The following SLC35D4 variants were observed in gnomAD, a reference collection of about 807,000 sequenced individuals.
SLC35D4 encodes the protein UDP-N-acetylglucosamine transporter SLC35D4.
At chr18:23,277,776 C>T in the SLC35D4 span, among the ~76,000 whole-genome samples, 720 of 151,824 alleles carry the variant, frequency 4.7e-3, 6 homozygotes, top group Non-Finnish European at 5.5e-3. Context: ...GGCATCAAGA[C>T]TGGGGGTGAT....
At chr18:23,373,807 T>G in the SLC35D4 span, 1 of 1,603,508 alleles carries the variant, frequency 6.2e-7, no homozygotes, top group Non-Finnish European at 8.5e-7. Context: ...CCTTTCAACA[T>G]CAAAGGTTTC....
the SLC35D4 span, among the ~76,000 whole-genome samples, chr18:23,422,937 T>C: frequency 2.3e-3 from 348 of 152,338 alleles, 4 homozygotes; most frequent in African/African-American, 8.2e-3. Flanking sequence ...TTTTTCATGA[T>C]AAATGACTTG....
At chr18:23,418,385 T>TA in the SLC35D4 span, among the ~76,000 whole-genome samples, 263 of 146,732 alleles carry the variant, frequency 1.8e-3, 1 homozygote, top group African/African-American at 6.1e-3. Flanking sequence ...TTATTATTAT[T>TA]TTTTGAGACA....
chr18:23,411,976 T>C, the SLC35D4 span, among the ~76,000 whole-genome samples: 1 of 152,250 alleles, frequency 6.6e-6, no homozygotes, highest in Non-Finnish European at 1.5e-5. Flanking sequence ...GAAAATTCTA[T>C]GTTACACTGA....
At chr18:23,352,578 A>G in the SLC35D4 span, among the ~76,000 whole-genome samples, 1 of 152,182 alleles carries the variant, frequency 6.6e-6, no homozygotes, top group African/African-American at 2.4e-5. Flanking sequence ...GGAGGACAAC[A>G]CCTCTTGTTC....
the SLC35D4 span, among the ~76,000 whole-genome samples, chr18:23,346,898 TTA>T: frequency 6.6e-6 from 1 of 152,228 alleles, no homozygotes; most frequent in African/African-American, 2.4e-5. Flanking sequence ...ATAATTCTTT[TTA>T]TATGTTGCCA....
chr18:23,353,334 G>C, the SLC35D4 span, among the ~76,000 whole-genome samples: 1 of 152,104 alleles, frequency 6.6e-6, no homozygotes, highest in East Asian at 1.9e-4. Flanking sequence ...ACAGGCACTG[G>C]TGCGCAGCTC....
At chr18:23,249,168 T>G in the SLC35D4 span, among the ~76,000 whole-genome samples, 1 of 152,250 alleles carries the variant, frequency 6.6e-6, no homozygotes, top group African/African-American at 2.4e-5. Context: ...CAGCCCTGCC[T>G]TCACATATCA....
the SLC35D4 span, chr18:23,376,891 C>A: frequency 2.2e-6 from 1 of 456,580 alleles, no homozygotes; most frequent in African/African-American, 2.0e-5. Context: ...TCCTTTTAAA[C>A]AGGAGGATAG....
chr18:23,332,304 C>T, the SLC35D4 span, among the ~76,000 whole-genome samples: 1 of 152,206 alleles, frequency 6.6e-6, no homozygotes, highest in Non-Finnish European at 1.5e-5. Context: ...AGTATACTCA[C>T]AGTTATGCAG....
the SLC35D4 span, among the ~76,000 whole-genome samples, chr18:23,371,945 T>TTTTTTTTTTTTG: frequency 6.0e-4 from 44 of 73,278 alleles, no homozygotes; most frequent in African/African-American, 1.1e-3. Context: ...GTTTTTTTTT[T>TTTTTTTTTTTTG]TTTTTTTTGA....
chr18:23,359,329 A>T, the SLC35D4 span, among the ~76,000 whole-genome samples: 1 of 150,606 alleles, frequency 6.6e-6, no homozygotes, highest in African/African-American at 2.5e-5. Context: ...GGTTGCAGTA[A>T]GCCGAGATTG....
the SLC35D4 span, among the ~76,000 whole-genome samples, chr18:23,424,361 C>T: frequency 6.6e-6 from 1 of 152,280 alleles, no homozygotes; most frequent in Non-Finnish European, 1.5e-5. Context: ...CACTGATGTA[C>T]CCCAGGCATC....
At chr18:23,371,250 A>G in the SLC35D4 span, among the ~76,000 whole-genome samples, 2 of 151,902 alleles carry the variant, frequency 1.3e-5, no homozygotes, top group Non-Finnish European at 2.9e-5. Context: ...ATGTGCCACC[A>G]TGCCTGGCTA....
At chr18:23,370,104 G>A in the SLC35D4 span, 49 of 821,272 alleles carry the variant, frequency 6.0e-5, no homozygotes, top group East Asian at 2.4e-4. Context: ...GCTTGAACCC[G>A]GGGGGTGGAG....
chr18:23,411,502 A>AAAGG, the SLC35D4 span, among the ~76,000 whole-genome samples: 1 of 146,110 alleles, frequency 6.8e-6, no homozygotes, highest in Non-Finnish European at 1.5e-5. Flanking sequence ...AGAAAGAAAG[A>AAAGG]AAGAAAGAAA....
At chr18:23,371,517 C>A in the SLC35D4 span, 1 of 1,480,446 alleles carries the variant, frequency 6.8e-7, no homozygotes, top group Non-Finnish European at 9.2e-7. Flanking sequence ...AAGTGCAAGG[C>A]AAATGGAATC....
the SLC35D4 span, among the ~76,000 whole-genome samples, chr18:23,256,778 G>A: frequency 7.9e-5 from 12 of 152,082 alleles, no homozygotes; most frequent in Non-Finnish European, 1.6e-4. Flanking sequence ...AGCCACCACC[G>A]GTTTGCTTTA....
the SLC35D4 span, among the ~76,000 whole-genome samples, chr18:23,427,885 T>C: frequency 6.6e-6 from 1 of 152,148 alleles, no homozygotes; most frequent in African/African-American, 2.4e-5. Flanking sequence ...TGGATGAAGC[T>C]GGAAACCATC....
Sources: allele counts gnomAD v4.1 joint callset (sites outside exome capture counted in the v4.1 genomes callset), GRCh38; gene constraint gnomAD v4.1.1; transcripts MANE v1.5; gene names NCBI Gene and HGNC (gene_info 2026-07-23, HGNC 2026-07-21).